Variants in SP140 observed in about 807,000 individuals in gnomAD.
The protein encoded by SP140 is nuclear body protein SP140.
A neutral mutation model predicts 125.0 loss-of-function variants in SP140; 81 were observed. That is an observed-to-expected ratio of 0.65 (90% confidence interval 0.54 to 0.78). The LOEUF is 0.78. Among genes scored for constraint, SP140 ranks in the 30% least tolerant of loss-of-function variants. The pLI, the probability that SP140 is intolerant of heterozygous loss-of-function variation, is 0.00. For missense variants in SP140, 858 were observed against 1,037.0 expected (o/e 0.83, Z 2.37); for synonymous variants, 312 against 354.0 (o/e 0.88, Z 1.33).
intron 19 of SP140, 114 bp from the exon 20 acceptor site, chr2:230,292,532 C>T: frequency 7.2e-7 from 1 of 1,380,966 alleles, no homozygotes; most frequent in Non-Finnish European, 1.0e-6. Context: ...CCAGACTCTC[C>T]TGCTATTGAT....
At chr2:230,227,833 TATTA>T (rs1276092883) in intron 1 of SP140, among the ~76,000 whole-genome samples, 2 of 152,218 alleles carry the variant, frequency 1.3e-5, no homozygotes, top group Admixed American at 1.3e-4. Context: ...GCTAGAGGTT[TATTA>T]ATTAACTCTT....
At chr2:230,187,380 G>A in the SP140 span, among the ~76,000 whole-genome samples, 17 of 151,866 alleles carry the variant, frequency 1.1e-4, no homozygotes, top group Non-Finnish European at 2.1e-4. Context: ...TCTTGTAGAC[G>A]CTGGATATTA....
At chr2:230,248,373 G>T (rs1464675202) in intron 8 of SP140, among the ~76,000 whole-genome samples, 2 of 152,166 alleles carry the variant, frequency 1.3e-5, no homozygotes, top group Non-Finnish European at 2.9e-5. Context: ...CCAGCTGGGG[G>T]TTCAGGGCCA....
rs973178917 is a variant in SP140, at chr2:230,312,707, C to A, written c.*23C>A. The A allele has an allele frequency of 6.4e-7, 1 of 1,557,448 alleles. No individual in the cohort carries two copies. Among genetic ancestry groups the A allele is most frequent in the Non-Finnish European group, 8.8e-7 (1 of 1,130,364 alleles). On this transcript the variant is annotated 3_prime_UTR_variant, in exon 27 of 27. Transcript: ENST00000392045. ...TGACTGGATTAGTGGATGCTGAAAG[C>A]ATTCAGCAAATGGCACCCTAAAATA... is the stretch of plus-strand genomic sequence containing the variant.
intron 12 of SP140, among the ~76,000 whole-genome samples, chr2:230,259,812 T>C (rs2051919561): frequency 1.7e-5 from 2 of 119,182 alleles, no homozygotes; most frequent in South Asian, 5.8e-4. Flanking sequence ...TACATACATA[T>C]ATACCACAGT....
At chr2:230,301,995 CA>C (rs1159267301) in intron 22 of SP140, among the ~76,000 whole-genome samples, 1 of 151,946 alleles carries the variant, frequency 6.6e-6, no homozygotes, top group Non-Finnish European at 1.5e-5. Context: ...TTACATCATA[CA>C]AAACAGACTT....
chr2:230,221,209 A>T (rs1197563335), upstream of SP140, among the ~76,000 whole-genome samples: 2 of 148,140 alleles, frequency 1.4e-5, no homozygotes, highest in African/African-American at 5.0e-5. Context: ...TGAACCCAGG[A>T]GGTGGAGGTT....
At chr2:230,217,608 T>C (rs2045360719) in intron 3 of SP140, among the ~76,000 whole-genome samples, 1 of 152,258 alleles carries the variant, frequency 6.6e-6, no homozygotes, top group South Asian at 2.1e-4. Context: ...AGGTGGTTCC[T>C]ATGACTGCAC....
upstream of SP140, chr2:230,202,522 AG>A: frequency 6.4e-7 from 1 of 1,563,256 alleles, no homozygotes. Context: ...TACCTGCTTC[AG>A]GAGAGACCCT....
the SP140 span, among the ~76,000 whole-genome samples, chr2:230,192,581 T>C: frequency 6.6e-6 from 1 of 152,024 alleles, no homozygotes; most frequent in African/African-American, 2.4e-5. Flanking sequence ...TAACAGAGGA[T>C]GGGAAGGACC....
chr2:230,235,425 T>C (rs114443562), intron 1 of SP140, among the ~76,000 whole-genome samples: 2 of 152,226 alleles, frequency 1.3e-5, no homozygotes, highest in African/African-American at 4.8e-5. Flanking sequence ...TTAGGAGATA[T>C]TCTAGTGAAA....
chr2:230,288,968 T>C (rs2056805834), intron 18 of SP140, among the ~76,000 whole-genome samples: 1 of 152,238 alleles, frequency 6.6e-6, no homozygotes, highest in African/African-American at 2.4e-5. Flanking sequence ...TTTATAATCC[T>C]TTGGGTATAT....
chr2:230,200,084 C>A (rs2043063801), upstream of SP140, among the ~76,000 whole-genome samples: 1 of 152,094 alleles, frequency 6.6e-6, no homozygotes, highest in South Asian at 2.1e-4. Context: ...TGAAATACTA[C>A]TAGATAAGCC....
intron 15 of SP140, among the ~76,000 whole-genome samples, chr2:230,281,335 A>G (rs529550461): frequency 1.6e-4 from 24 of 152,366 alleles, no homozygotes; most frequent in African/African-American, 5.5e-4. Flanking sequence ...TCAAGGCTGC[A>G]GACGTTAGCA....
downstream of SP140, among the ~76,000 whole-genome samples, chr2:230,315,758 G>A (rs1234595156): frequency 6.6e-6 from 1 of 152,130 alleles, no homozygotes; most frequent in Non-Finnish European, 1.5e-5. Context: ...AAGACCTGAA[G>A]GAGGCAGGGG....
chr2:230,213,390 TAATA>T (rs2044716166), intron 1 of SP140, among the ~76,000 whole-genome samples: 1 of 152,218 alleles, frequency 6.6e-6, no homozygotes, highest in Non-Finnish European at 1.5e-5. Context: ...GTCTCTGTTT[TAATA>T]AATAAACAGA....
chr2:230,265,139 T>C (rs921133039), intron 12 of SP140, among the ~76,000 whole-genome samples: 2 of 152,014 alleles, frequency 1.3e-5, no homozygotes, highest in Non-Finnish European at 2.9e-5. Context: ...CATGTCTTGC[T>C]GCAGCTGCTG....
chr2:230,268,255 G>A (rs2053418872), intron 12 of SP140, among the ~76,000 whole-genome samples: 1 of 152,126 alleles, frequency 6.6e-6, no homozygotes, highest in African/African-American at 2.4e-5. Flanking sequence ...CGGGTGTGGT[G>A]GCTCATGCCT....
intron 12 of SP140, among the ~76,000 whole-genome samples, chr2:230,265,730 G>A (rs4447597): frequency 2.6e-5 from 4 of 151,924 alleles, no homozygotes; most frequent in African/African-American, 7.3e-5. Context: ...GTGGGGGTGT[G>A]TGTTCGGGAG....
Sources: gnomAD v4.1 joint callset for allele counts (sites outside exome capture counted in the v4.1 genomes callset) on GRCh38, gnomAD v4.1.1 for gene constraint, MANE v1.5 for transcripts, NCBI Gene and HGNC (gene_info 2026-07-23, HGNC 2026-07-21) for gene names.